Variants in IGBP1C observed in about 807,000 individuals in gnomAD.
IGBP1C encodes the protein IGBP1 family member C.
At chr17:58,679,133 T>TA in the IGBP1C span, among the ~76,000 whole-genome samples, 2 of 151,882 alleles carry the variant, frequency 1.3e-5, no homozygotes, top group South Asian at 4.1e-4. Context: ...CAGCCTGGGC[T>TA]ACAAGAGCGA....
the IGBP1C span, among the ~76,000 whole-genome samples, chr17:58,683,762 CAAAA>C: frequency 1.3e-5 from 1 of 75,700 alleles, no homozygotes; most frequent in Non-Finnish European, 2.6e-5. Flanking sequence ...GACTCCAGCT[CAAAA>C]AAAAAAAAAG....
the IGBP1C span, among the ~76,000 whole-genome samples, chr17:58,687,174 G>C: frequency 6.6e-6 from 1 of 152,054 alleles, no homozygotes; most frequent in African/African-American, 2.4e-5. Context: ...ATTTGCTGGA[G>C]GCAATCACTC....
chr17:58,671,865 T>C, the IGBP1C span, among the ~76,000 whole-genome samples: 5 of 152,150 alleles, frequency 3.3e-5, no homozygotes, highest in Non-Finnish European at 7.3e-5. Context: ...CTTTAGACTT[T>C]CCACGCCATT....
the IGBP1C span, among the ~76,000 whole-genome samples, chr17:58,669,452 G>T: frequency 2.0e-5 from 3 of 152,078 alleles, no homozygotes; most frequent in Admixed American, 1.3e-4. Flanking sequence ...CAAGCCAGCT[G>T]CTGGGCGTGG....
chr17:58,673,103 C>A, the IGBP1C span, among the ~76,000 whole-genome samples: 1 of 152,014 alleles, frequency 6.6e-6, no homozygotes, highest in African/African-American at 2.4e-5. Context: ...GACAGTGGAG[C>A]CACTCCCAAA....
At chr17:58,671,276 G>A in the IGBP1C span, among the ~76,000 whole-genome samples, 1 of 151,986 alleles carries the variant, frequency 6.6e-6, no homozygotes, top group Non-Finnish European at 1.5e-5. Context: ...CCTGGTGCTG[G>A]GGGACATCAC....
chr17:58,685,906 A>C, the IGBP1C span, among the ~76,000 whole-genome samples: 1 of 151,176 alleles, frequency 6.6e-6, no homozygotes. Flanking sequence ...GAGGCAGGAC[A>C]ATCGCCTGAA....
the IGBP1C span, among the ~76,000 whole-genome samples, chr17:58,685,426 A>C: frequency 6.6e-6 from 1 of 150,424 alleles, no homozygotes; most frequent in Admixed American, 6.7e-5. Context: ...GCAGAGTAAG[A>C]CTCGGTGTCA....
chr17:58,666,075 G>T, the IGBP1C span, among the ~76,000 whole-genome samples: 1 of 151,104 alleles, frequency 6.6e-6, no homozygotes, highest in African/African-American at 2.4e-5. Flanking sequence ...TGGGTGCCAT[G>T]GCTCACGCCT....
the IGBP1C span, among the ~76,000 whole-genome samples, chr17:58,686,543 A>G: frequency 7.9e-5 from 12 of 152,174 alleles, no homozygotes; most frequent in African/African-American, 2.9e-4. Flanking sequence ...AGTCACTGCC[A>G]TGCCCAGGTT....
At chr17:58,686,026 A>G in the IGBP1C span, among the ~76,000 whole-genome samples, 1 of 150,884 alleles carries the variant, frequency 6.6e-6, no homozygotes, top group Admixed American at 6.6e-5. Context: ...AGATCAAAAT[A>G]AGGAGTGACA....
At chr17:58,661,317 C>T in the IGBP1C span, 1 of 856,684 alleles carries the variant, frequency 1.2e-6, no homozygotes, top group Non-Finnish European at 2.1e-6. Context: ...CGGGGGTTGA[C>T]TTGTTTCATG....
the IGBP1C span, among the ~76,000 whole-genome samples, chr17:58,689,774 C>A: frequency 1.3e-5 from 2 of 151,678 alleles, no homozygotes; most frequent in Non-Finnish European, 2.9e-5. Flanking sequence ...GAAAGCATGA[C>A]TACAGAGCAA....
At chr17:58,691,052 G>A in the IGBP1C span, among the ~76,000 whole-genome samples, 1 of 151,854 alleles carries the variant, frequency 6.6e-6, no homozygotes, top group Non-Finnish European at 1.5e-5. Flanking sequence ...ACAGTGTTTC[G>A]CCATGTTGTC....
At chr17:58,681,224 AC>A in the IGBP1C span, among the ~76,000 whole-genome samples, 1 of 152,110 alleles carries the variant, frequency 6.6e-6, no homozygotes, top group Non-Finnish European at 1.5e-5. Context: ...GTGCCATTGC[AC>A]TCCAGCCTGA....
At chr17:58,670,741 C>A in the IGBP1C span, among the ~76,000 whole-genome samples, 1 of 133,118 alleles carries the variant, frequency 7.5e-6, no homozygotes, top group East Asian at 2.3e-4. Flanking sequence ...CCACTACACT[C>A]CAGCCTGGGC....
the IGBP1C span, chr17:58,660,561 C>T: frequency 1.5e-4 from 120 of 780,914 alleles, no homozygotes; most frequent in Middle Eastern, 2.3e-3. Context: ...TGCAGTCCTG[C>T]GGTGTTGTGG....
the IGBP1C span, among the ~76,000 whole-genome samples, chr17:58,689,733 T>TAA: frequency 6.6e-6 from 1 of 152,122 alleles, no homozygotes; most frequent in East Asian, 1.9e-4. Flanking sequence ...TAGTTCCTAG[T>TAA]GCGTGGTTTC....
chr17:58,673,963 G>A, the IGBP1C span, among the ~76,000 whole-genome samples: 1 of 152,098 alleles, frequency 6.6e-6, no homozygotes, highest in Non-Finnish European at 1.5e-5. Flanking sequence ...TAAATGGAAT[G>A]TTACTAGTTC....
Sources: allele counts gnomAD v4.1 joint callset (sites outside exome capture counted in the v4.1 genomes callset), GRCh38; gene constraint gnomAD v4.1.1; transcripts MANE v1.5; gene names NCBI Gene and HGNC (gene_info 2026-07-23, HGNC 2026-07-21).